Variants in NPIPB8 observed in about 807,000 individuals in gnomAD.
NPIPB8 encodes the protein nuclear pore complex interacting protein family member B8.
Under a neutral mutation model 5.3 loss-of-function variants are expected in NPIPB8, and 3 were observed. The observed-to-expected ratio is 0.57, with a 90% CI of 0.26 to 1.47. NPIPB8 has a LOEUF of 1.47. Among genes scored for constraint, NPIPB8 ranks in the 40% most tolerant of loss-of-function variants. The probability of loss-of-function intolerance (pLI) is 0.13; values close to 1 mark genes in which losing one functional copy is unlikely to be tolerated. For synonymous variants in NPIPB8, 18 were observed against 23.0 expected, an observed-to-expected ratio of 0.78 and a Z score of 0.62; for missense variants, 50 against 50.2, an observed-to-expected ratio of 1.00 and a Z score of 0.01.
chr16:28,641,355 C>T (rs1167294841), intron 2 of NPIPB8, among the ~76,000 whole-genome samples: 1 of 149,598 alleles, frequency 6.7e-6, no homozygotes, highest in Non-Finnish European at 1.5e-5. Flanking sequence ...CCTACACCTG[C>T]CACCTCCGAT....
chr16:28,639,455 A>ATTTTTTTTT (rs1181691602), intron 2 of NPIPB8, among the ~76,000 whole-genome samples: 1 of 120,842 alleles, frequency 8.3e-6, no homozygotes, highest in African/African-American at 3.2e-5. Context: ...ATATATATAT[A>ATTTTTTTTT]TTTTTTTTTT....
intron 3 of NPIPB8, among the ~76,000 whole-genome samples, 184 bp from the exon 4 acceptor site, chr16:28,651,773 C>T (rs1227384644): frequency 2.1e-3 from 130 of 61,878 alleles, no homozygotes; most frequent in African/African-American, 0.012. Context: ...GGATTACAGG[C>T]GCCCGCTGCC....
chr16:28,642,118 T>TTC (rs1240933049), intron 2 of NPIPB8, among the ~76,000 whole-genome samples: 1 of 151,552 alleles, frequency 6.6e-6, no homozygotes, highest in Non-Finnish European at 1.5e-5. Flanking sequence ...TTTTTTTTTT[T>TTC]GAGACAGAGT....
chr16:28,640,169 C>T (rs552687046), intron 2 of NPIPB8, among the ~76,000 whole-genome samples: 28 of 152,076 alleles, frequency 1.8e-4, no homozygotes, highest in African/African-American at 3.4e-4. Flanking sequence ...CATGTTCTGA[C>T]GGCAGGCTAG....
chr16:28,642,262 T>C (rs995937895), intron 2 of NPIPB8, among the ~76,000 whole-genome samples: 1 of 150,620 alleles, frequency 6.6e-6, no homozygotes, highest in Non-Finnish European at 1.5e-5. Flanking sequence ...TGTGCCACCA[T>C]GCCTGGCTAA....
chr16:28,638,599 C>T, intron 2 of NPIPB8, 119 bp downstream of exon 2: 1 of 1,390,742 alleles, frequency 7.2e-7, no homozygotes, highest in Non-Finnish European at 9.6e-7. Context: ...GTACTGGCTT[C>T]TTCCTCTTTT....
chr16:28,642,512 T>C (rs1264901571), intron 2 of NPIPB8, among the ~76,000 whole-genome samples: 1 of 150,368 alleles, frequency 6.7e-6, no homozygotes, highest in Non-Finnish European at 1.5e-5. Context: ...TGAGACAGAG[T>C]CTCGCTCTGT....
rs545824516 is a variant in NPIPB8 at position 28,644,575 on chromosome 16, T to C, written c.121-3560T>C. 274 of 1,377,212 alleles carry C rather than the reference T, an allele frequency of 2.0e-4. 1 individual carries two copies. Among genetic ancestry groups the C allele is most frequent in the Admixed American group, 2.8e-4 (13 of 47,024 alleles). The allele number at this position is 1,377,212 out of a possible 1,614,324, so 85.3% of individuals were successfully genotyped here. A position where few individuals can be genotyped will look rare whatever the true frequency, so the allele number is the denominator to read the frequency against. On this transcript the variant is annotated intron_variant, in intron 2 of 7. Transcript: ENST00000683297. The stretch of plus-strand genomic sequence containing the variant: ...CTGTCCTGGACACCTCAGGGCGCCC[T>C]GAAAGGACCAGGACATGCGGCTGCG...
At chr16:28,641,934 T>C (rs2047904175) in intron 2 of NPIPB8, among the ~76,000 whole-genome samples, 1 of 139,872 alleles carries the variant, frequency 7.1e-6, no homozygotes, top group Non-Finnish European at 1.5e-5. Flanking sequence ...GACCCCAAAC[T>C]CTGCTCACAT....
chr16:28,638,749 G>C (rs1317326272), intron 2 of NPIPB8, among the ~76,000 whole-genome samples: 2 of 150,286 alleles, frequency 1.3e-5, no homozygotes, highest in African/African-American at 2.5e-5. Flanking sequence ...AGTGCCCAAC[G>C]ACACTTAAAA....
rs547309271 is a variant in NPIPB8, at chr16:28,639,960, C to G, written c.120+1480C>G. On this transcript the variant is annotated intron_variant, in intron 2 of 7. Coordinates refer to ENST00000683297, the MANE Select transcript of NPIPB8 (RefSeq NM_001310136.2). ...AGCTACATGGCTAACATTGTGTACT[C>G]ACTGTGTGTGCCAGGCCCTGGGTTC... Among the ~76,000 whole-genome samples, 384 of 150,302 alleles carry G rather than the reference C, an allele frequency of 2.6e-3. 2 individuals carry two copies. The highest frequency in any genetic ancestry group is 2.6e-3 in the Non-Finnish European group (178 of 67,718).
intron 2 of NPIPB8, among the ~76,000 whole-genome samples, chr16:28,641,541 C>T (rs1450473041): frequency 1.4e-5 from 2 of 141,872 alleles, no homozygotes; most frequent in African/African-American, 5.1e-5. Context: ...ACCTAGGAGC[C>T]CTACCTTCTG....
chr16:28,642,264 C>T (rs1050147508), intron 2 of NPIPB8, among the ~76,000 whole-genome samples: 13 of 151,686 alleles, frequency 8.6e-5, no homozygotes, highest in Non-Finnish European at 1.0e-4. Context: ...TGCCACCATG[C>T]CTGGCTAATT....
At position 28,638,236 on chromosome 16, in the gene NPIPB8, G is replaced by A. The variant is rs527467025; in HGVS notation, c.-39+86G>A. ...GAACTTGGTTCTGTCCTTTTCTGAA[G>A]CCCCTATGCTCTTGACCACTATAGA... On this transcript the variant is annotated intron_variant, in intron 1 of 7. Coordinates refer to ENST00000683297, the MANE Select transcript of NPIPB8 (RefSeq NM_001310136.2). 1.3e-5 allele frequency: 19 copies of A among 1,507,618 alleles called. No individual in the cohort carries two copies. In the East Asian group the frequency reaches 3.4e-4, roughly 27 times the overall value. The allele number at this position is 1,507,618 out of a possible 1,614,324, so 93.4% of individuals were successfully genotyped here.
chr16:28,645,172 T>C (rs1195716251), intron 2 of NPIPB8, among the ~76,000 whole-genome samples: 2 of 134,826 alleles, frequency 1.5e-5, no homozygotes, highest in Non-Finnish European at 3.3e-5. Flanking sequence ...GCCTCCTGAG[T>C]GGCTCAGATT....
intron 5 of NPIPB8, among the ~76,000 whole-genome samples, chr16:28,653,125 T>G (rs1230092557): frequency 9.1e-6 from 1 of 110,486 alleles, no homozygotes; most frequent in Non-Finnish European, 1.9e-5. Context: ...CAGGCTAGAG[T>G]GCAGTGGCAT....
intron 2 of NPIPB8, among the ~76,000 whole-genome samples, chr16:28,644,417 C>A (rs1303927482): frequency 3.0e-5 from 1 of 33,246 alleles, no homozygotes; most frequent in Non-Finnish European, 6.1e-5. Context: ...CCTTCCCTTA[C>A]TTCCCCCCTT....
chr16:28,642,277 T>G (rs2047912677), intron 2 of NPIPB8, among the ~76,000 whole-genome samples: 1 of 151,430 alleles, frequency 6.6e-6, no homozygotes, highest in South Asian at 2.1e-4. Flanking sequence ...GGCTAATTTT[T>G]GTATTTTTAG....
intron 2 of NPIPB8, among the ~76,000 whole-genome samples, chr16:28,639,428 G>GACACACAC (rs1040391463): frequency 7.4e-6 from 1 of 135,434 alleles, no homozygotes; most frequent in Non-Finnish European, 1.5e-5. Context: ...CACACACACA[G>GACACACAC]ACACACACAC....
Sources: allele counts gnomAD v4.1 joint callset (sites outside exome capture counted in the v4.1 genomes callset), GRCh38; gene constraint gnomAD v4.1.1; transcripts MANE v1.5; gene names NCBI Gene and HGNC (gene_info 2026-07-23, HGNC 2026-07-21).